KIRREL1: variants seen among roughly 807,000 people sequenced by gnomAD.
KIRREL1 encodes kin of IRRE-like protein 1.
A neutral mutation model predicts 83.3 loss-of-function variants in KIRREL1; 25 were observed. The observed-to-expected ratio is 0.30, with a 90% CI of 0.22 to 0.42. The LOEUF is 0.42. Among genes scored for constraint, KIRREL1 ranks in the 10% least tolerant of loss-of-function variants. KIRREL1 has a pLI of 1.00. For missense variants in KIRREL1, 812 were observed against 1,032.3 expected, an observed-to-expected ratio of 0.79 and a Z score of 2.92; for synonymous variants, 388 against 410.4, an observed-to-expected ratio of 0.95 and a Z score of 0.66.
chr1:158,042,419 CA>C (rs1660655302), intron 1 of KIRREL1, among the ~76,000 whole-genome samples: 1 of 152,074 alleles, frequency 6.6e-6, no homozygotes, highest in South Asian at 2.1e-4. Context: ...AACATGAGCC[CA>C]AAAGTATTTG....
intron 1 of KIRREL1, among the ~76,000 whole-genome samples, chr1:158,066,713 G>A (rs1661367048): frequency 6.6e-6 from 1 of 152,146 alleles, no homozygotes. Flanking sequence ...CCAGCTTCTG[G>A]TGCCTTTCTC....
rs779900251 is a variant in KIRREL1 at position 158,089,521 on chromosome 1, A to G, written c.1064A>G (p.Gln355Arg). ...DSNMVLSNSN[Q>R]LLLKSVTQAD... ...GCCCAGGTCCTGAGTAACAGCAACC[A>G]GCTGCTGCTGAAGTCGGTGACTCAG... Residue 355 changes from glutamine to arginine, a missense_variant, in exon 9 of 15, where the codon CAG becomes CGG. By Grantham distance (43) the Gln-to-Arg change is conservative (BLOSUM62 1). Coordinates refer to ENST00000359209, the MANE Select transcript of KIRREL1 (RefSeq NM_018240.7). 6.2e-7 allele frequency: 1 copy of G among 1,614,162 alleles called. No individual in the cohort carries two copies. The highest frequency in any genetic ancestry group is 8.5e-7 in the Non-Finnish European group (1 of 1,180,032).
chr1:157,998,792 G>A (rs1468035067), intron 1 of KIRREL1, among the ~76,000 whole-genome samples: 1 of 152,188 alleles, frequency 6.6e-6, no homozygotes, highest in African/African-American at 2.4e-5. Context: ...TGTGCCCTGG[G>A]GAACTGCCTG....
At chr1:158,034,903 T>A (rs1296916186) in intron 1 of KIRREL1, among the ~76,000 whole-genome samples, 1 of 152,240 alleles carries the variant, frequency 6.6e-6, no homozygotes, top group Non-Finnish European at 1.5e-5. Flanking sequence ...GTACTTTTTT[T>A]ATTGAAGAAA....
intron 1 of KIRREL1, among the ~76,000 whole-genome samples, chr1:158,052,628 A>G (rs1660939874): frequency 6.6e-6 from 1 of 151,794 alleles, no homozygotes; most frequent in Non-Finnish European, 1.5e-5. Context: ...AAATACAAAA[A>G]AAAAAAAAAT....
chr1:158,059,639 A>G (rs528598183), intron 1 of KIRREL1, among the ~76,000 whole-genome samples: 1 of 152,250 alleles, frequency 6.6e-6, no homozygotes, highest in African/African-American at 2.4e-5. Flanking sequence ...AGGGTAGGGA[A>G]TACTCACCTG....
intron 1 of KIRREL1, among the ~76,000 whole-genome samples, chr1:158,016,598 T>G (rs979658590): frequency 6.6e-6 from 1 of 152,196 alleles, no homozygotes; most frequent in Non-Finnish European, 1.5e-5. Context: ...TAATCAGATT[T>G]GCCTTGCTTA....
intron 1 of KIRREL1, among the ~76,000 whole-genome samples, chr1:158,041,137 G>T (rs1660615222): frequency 6.6e-6 from 1 of 152,158 alleles, no homozygotes; most frequent in Non-Finnish European, 1.5e-5. Context: ...AGGATCCCTG[G>T]GATAGACAGA....
At chr1:158,035,097 T>C (rs1005520103) in intron 1 of KIRREL1, among the ~76,000 whole-genome samples, 1 of 152,224 alleles carries the variant, frequency 6.6e-6, no homozygotes, top group Non-Finnish European at 1.5e-5. Context: ...TATCTTGGAA[T>C]CTGGGAATTG....
At chr1:158,042,502 C>T (rs143572882) in intron 1 of KIRREL1, among the ~76,000 whole-genome samples, 1 of 152,220 alleles carries the variant, frequency 6.6e-6, no homozygotes, top group African/African-American at 2.4e-5. Flanking sequence ...ATATGGGATA[C>T]CAGTCCCTCC....
intron 1 of KIRREL1, among the ~76,000 whole-genome samples, chr1:157,996,465 G>A (rs907224954): frequency 6.6e-6 from 1 of 152,096 alleles, no homozygotes; most frequent in Non-Finnish European, 1.5e-5. Flanking sequence ...TGGGGGGGAT[G>A]GATGTGGGGG....
chr1:158,089,522 G>C lies in KIRREL1; in HGVS notation c.1065G>C (p.Gln355His), dbSNP rs1416901714. 6.2e-7 allele frequency: 1 copy of C among 1,614,082 alleles called. No individual in the cohort carries two copies. The highest frequency in any genetic ancestry group is 1.3e-5 in the African/African-American group (1 of 74,944). ...CCCAGGTCCTGAGTAACAGCAACCAGCTGCTGCTGAAGTCGGTGACTCAGG... is the reference window on the plus strand; with the variant it reads ...CCCAGGTCCTGAGTAACAGCAACCACCTGCTGCTGAAGTCGGTGACTCAGG... ...DSNMVLSNSN[Q>H]LLLKSVTQAD... is the part of the protein sequence containing the mutation. The change falls in exon 9 of 15, where the codon CAG becomes CAC. Residue 355 changes from glutamine (Q) to histidine (H), a missense_variant. Around this residue, in one of 3 missense-constraint regions of KIRREL1, gnomAD observed 472 missense variants for 626.8 expected, o/e 0.75. Coordinates refer to ENST00000359209, the MANE Select transcript of KIRREL1 (RefSeq NM_018240.7).
In KIRREL1 at chr1:158,093,852, C is replaced by T. The variant is rs1028596403; in HGVS notation, c.1719+90C>T. The T allele has an allele frequency of 1.1e-5, 15 of 1,416,400 alleles. No homozygotes were observed. In the African/African-American group the frequency reaches 1.7e-4, roughly 16 times the overall value. 87.7% of individuals were successfully genotyped at this position (1,416,400 alleles called of 1,614,324 possible). ...GATCTCTAATAACCGCGGTCATTCT[C>T]TCCTTCCTCAGTCGGTCTTCCCTGG... On this transcript the variant is annotated intron_variant, in intron 13 of 14. Transcript: ENST00000359209.
chr1:158,050,226 C>A (rs1305990205), intron 1 of KIRREL1, among the ~76,000 whole-genome samples: 1 of 152,090 alleles, frequency 6.6e-6, no homozygotes, highest in East Asian at 1.9e-4. Flanking sequence ...CCCCGACAGC[C>A]TCCTAGCGTG....
rs1470299805 is a variant in KIRREL1 at position 158,003,127 on chromosome 1, G to T, written c.52+9399G>T. On this transcript the variant is annotated intron_variant, in intron 1 of 14. Coordinates refer to ENST00000359209, the MANE Select transcript of KIRREL1 (RefSeq NM_018240.7). ...TCCTTCCTGAATTCTCCCAGGAACAGCCCGGGGCCTTGCTCGCTCCATTAC... is the reference window on the plus strand; with the variant it reads ...TCCTTCCTGAATTCTCCCAGGAACATCCCGGGGCCTTGCTCGCTCCATTAC... 1.3e-5 allele frequency among the ~76,000 whole-genome samples: 2 copies of T among 152,064 alleles called. 1 individual carries two copies. Among genetic ancestry groups the T allele is most frequent in the South Asian group, 4.1e-4 (2 of 4,826 alleles).
rs1054409124 is a variant in KIRREL1 at position 157,993,743 on chromosome 1, C to T, written c.52+15C>T. 1 of 1,478,078 alleles carries T rather than the reference C, an allele frequency of 6.8e-7. No individual in the cohort carries two copies. Among genetic ancestry groups the T allele is most frequent in the Non-Finnish European group, 9.0e-7 (1 of 1,108,648 alleles). 91.6% of individuals were successfully genotyped at this position (1,478,078 alleles called of 1,614,324 possible). Reference sequence around the variant, plus strand: ...TTTCTCCCAAGGTAAGGGCCCCCAGCCCACCCCCGGACGCTCGGCTTCCCC... The same window carrying T: ...TTTCTCCCAAGGTAAGGGCCCCCAGTCCACCCCCGGACGCTCGGCTTCCCC... On this transcript the variant is annotated intron_variant, in intron 1 of 14. Coordinates refer to ENST00000359209, the MANE Select transcript of KIRREL1 (RefSeq NM_018240.7).
Position 158,095,139 on chromosome 1 carries a change from G to C in KIRREL1, c.*19G>C, listed in dbSNP as rs200214248. On this transcript the variant is annotated 3_prime_UTR_variant, in exon 15 of 15. Transcript: ENST00000359209. ...CGTGTAGGGGCCAGAGCCTGGCTGGGGCATCTCTGCGGGGCAGAGGAGAAG... is the reference window on the plus strand; with the variant it reads ...CGTGTAGGGGCCAGAGCCTGGCTGGCGCATCTCTGCGGGGCAGAGGAGAAG... 2 of 1,542,124 alleles carry C rather than the reference G, an allele frequency of 1.3e-6. No individual in the cohort carries two copies. The highest frequency in any genetic ancestry group is 1.8e-6 in the Non-Finnish European group (2 of 1,129,274).
chr1:158,071,119 T>C (rs1049231596), intron 1 of KIRREL1, among the ~76,000 whole-genome samples: 2 of 152,138 alleles, frequency 1.3e-5, no homozygotes, highest in Non-Finnish European at 2.9e-5. Context: ...TTTCTATTAC[T>C]CCATGGGTGT....
chr1:158,051,412 G>T (rs141827509), intron 1 of KIRREL1, among the ~76,000 whole-genome samples: 2 of 152,162 alleles, frequency 1.3e-5, no homozygotes, highest in Non-Finnish European at 2.9e-5. Flanking sequence ...ACCTATAGAC[G>T]ACAGAAGTGG....
Sources: gnomAD v4.1 joint callset for allele counts (sites outside exome capture counted in the v4.1 genomes callset) on GRCh38, gnomAD v4.1.1 for gene constraint, gnomAD v4.1.1 regional missense constraint, MANE v1.5 for transcripts, NCBI Gene and HGNC (gene_info 2026-07-23, HGNC 2026-07-21) for gene names.